The following ZDHHC21 variants were observed in gnomAD, a reference collection of about 807,000 sequenced individuals.
ZDHHC21 encodes the protein palmitoyltransferase ZDHHC21.
In ZDHHC21, 15 loss-of-function variants were observed where a neutral mutation model predicts 34.6. That is an observed-to-expected ratio of 0.43 (90% CI 0.29 to 0.67). ZDHHC21 has a LOEUF of 0.67. ZDHHC21 is among the 30% of genes least tolerant of loss of function. The pLI is 0.14. For synonymous variants in ZDHHC21, 142 were observed against 101.8 expected, an observed-to-expected ratio of 1.40 and a Z score of -2.38; for missense variants, 344 against 327.7, an observed-to-expected ratio of 1.05 and a Z score of -0.38.
At chr9:14,692,445 AT>A (rs906451332) in intron 1 of ZDHHC21, among the ~76,000 whole-genome samples, 7 of 151,538 alleles carry the variant, frequency 4.6e-5, no homozygotes, top group Admixed American at 6.6e-5. Flanking sequence ...AATGACCTTG[AT>A]TTTTTTTTCT....
intron 5 of ZDHHC21, among the ~76,000 whole-genome samples, chr9:14,672,488 T>G (rs1349709495): frequency 6.6e-5 from 10 of 152,068 alleles, no homozygotes; most frequent in Non-Finnish European, 1.5e-4. Context: ...GACAAGGTTC[T>G]GGGTCTTTGG....
At chr9:14,655,228 A>T (rs1035018212) in intron 7 of ZDHHC21, among the ~76,000 whole-genome samples, 2 of 152,052 alleles carry the variant, frequency 1.3e-5, no homozygotes, top group Non-Finnish European at 2.9e-5. Flanking sequence ...ACTGAACGAA[A>T]GTAACCACCA....
chr9:14,632,006 C>T (rs1313447910), intron 8 of ZDHHC21, among the ~76,000 whole-genome samples: 8 of 149,694 alleles, frequency 5.3e-5, no homozygotes, highest in East Asian at 2.0e-4. Flanking sequence ...AATATTGTAC[C>T]GAAAGACTTA....
In ZDHHC21 at chr9:14,658,815, A is replaced by G. The variant is rs745477077; in HGVS notation, c.438T>C (p.Thr146=). ...AGAAAGAAAACATCAGTGCGTAGCA[A>G]GTAAGAAGTTCAGTGTAGAAACACA... ...LQLCFYTELL[T]CYALMFSFCH... The change falls in exon 7 of 10, where the codon ACT becomes ACC. Residue 146 remains threonine (T), a synonymous_variant. Transcript: ENST00000380916. 6.2e-7 allele frequency: 1 copy of G among 1,613,968 alleles called. No homozygotes were observed. The highest frequency in any genetic ancestry group is 1.1e-5 in the South Asian group (1 of 91,070).
chr9:14,604,552 G>A, the ZDHHC21 span, among the ~76,000 whole-genome samples: 6 of 152,102 alleles, frequency 3.9e-5, no homozygotes, highest in Non-Finnish European at 2.9e-5. Context: ...GGACTTAGAT[G>A]TATCTGTAAC....
At chr9:14,607,627 C>CG (rs953857111), downstream of ZDHHC21, among the ~76,000 whole-genome samples, 11 of 97,076 alleles carry the variant, frequency 1.1e-4, no homozygotes, top group African/African-American at 3.3e-4. Context: ...GGGCTGGGGG[C>CG]GGGGGGGAAG....
chr9:14,685,506 A>G (rs1183073384), intron 2 of ZDHHC21, among the ~76,000 whole-genome samples: 1 of 152,062 alleles, frequency 6.6e-6, no homozygotes, highest in Non-Finnish European at 1.5e-5. Flanking sequence ...ACAATGACAT[A>G]CCATCTCACA....
the ZDHHC21 span, among the ~76,000 whole-genome samples, chr9:14,590,933 C>T: frequency 5.9e-5 from 9 of 151,892 alleles, no homozygotes; most frequent in African/African-American, 2.2e-4. Context: ...AAGTTTATAA[C>T]ACATATATCA....
chr9:14,660,847 C>T (rs1375167465), intron 6 of ZDHHC21, among the ~76,000 whole-genome samples: 2 of 152,108 alleles, frequency 1.3e-5, no homozygotes, highest in Non-Finnish European at 2.9e-5. Flanking sequence ...CCACTTCCAT[C>T]ATGAACATTT....
At chr9:14,660,727 C>T (rs1236945298) in intron 6 of ZDHHC21, among the ~76,000 whole-genome samples, 1 of 152,060 alleles carries the variant, frequency 6.6e-6, no homozygotes, top group Non-Finnish European at 1.5e-5. Flanking sequence ...AGAGAAATCA[C>T]CCCAACGTTA....
At chr9:14,642,970 G>A (rs890202379) in intron 7 of ZDHHC21, among the ~76,000 whole-genome samples, 5 of 152,190 alleles carry the variant, frequency 3.3e-5, no homozygotes, top group African/African-American at 1.2e-4. Flanking sequence ...TGGGTACGGT[G>A]GCTCACGCCT....
intron 2 of ZDHHC21, among the ~76,000 whole-genome samples, chr9:14,688,125 A>C (rs542080292): frequency 6.6e-6 from 1 of 151,146 alleles, no homozygotes; most frequent in East Asian, 1.9e-4. Flanking sequence ...TTAAAAAATT[A>C]ATCTTCTACA....
chr9:14,599,387 T>A, the ZDHHC21 span, among the ~76,000 whole-genome samples: 28 of 152,300 alleles, frequency 1.8e-4, no homozygotes, highest in Non-Finnish European at 7.4e-5. Context: ...TGTGAGGGAC[T>A]GTGCCATGAG....
intron 3 of ZDHHC21, among the ~76,000 whole-genome samples, chr9:14,676,468 T>G (rs1836398155): frequency 6.6e-6 from 1 of 151,824 alleles, no homozygotes; most frequent in Non-Finnish European, 1.5e-5. Flanking sequence ...CCCCAGTTTC[T>G]CATCCCTAGT....
At chr9:14,634,984 A>C (rs1828014919) in intron 8 of ZDHHC21, among the ~76,000 whole-genome samples, 1 of 152,108 alleles carries the variant, frequency 6.6e-6, no homozygotes, top group Admixed American at 6.5e-5. Context: ...TTACTAAACA[A>C]ATACAAATAA....
chr9:14,598,842 C>A, the ZDHHC21 span, among the ~76,000 whole-genome samples: 3 of 152,142 alleles, frequency 2.0e-5, no homozygotes, highest in Non-Finnish European at 4.4e-5. Flanking sequence ...GCAGCCTCAA[C>A]CTCTCCCAGC....
intron 7 of ZDHHC21, among the ~76,000 whole-genome samples, chr9:14,647,657 G>T (rs1303502677): frequency 1.4e-5 from 2 of 138,272 alleles, no homozygotes; most frequent in Non-Finnish European, 3.2e-5. Context: ...AGTCCATCAT[G>T]ATAATTTCTC....
rs1824195449 is a variant in ZDHHC21 at position 14,616,520 on chromosome 9, A to G, written c.*2446T>C. 1 of 151,758 alleles carries G rather than the reference A, an allele frequency of 6.6e-6. No individual in the cohort carries two copies. Among genetic ancestry groups the G allele is most frequent in the South Asian group, 2.1e-4 (1 of 4,824 alleles). 9.4% of individuals were successfully genotyped at this position (151,758 alleles called of 1,614,324 possible). The stretch of plus-strand genomic sequence containing the variant: ...CAGAATGTGGCTATACTATTTACTT[A>G]TGGGGCAGTAAATCTTTAGAGCCAG... On this transcript the variant is annotated 3_prime_UTR_variant, in exon 10 of 10. Transcript: ENST00000380916.
chr9:14,660,870 A>G (rs1347450079), intron 6 of ZDHHC21, among the ~76,000 whole-genome samples: 1 of 152,200 alleles, frequency 6.6e-6, no homozygotes, highest in Non-Finnish European at 1.5e-5. Flanking sequence ...ATTTTAGTGA[A>G]TAAGAAACTC....
Sources: gnomAD v4.1 joint callset for allele counts (sites outside exome capture counted in the v4.1 genomes callset) on GRCh38, gnomAD v4.1.1 for gene constraint, MANE v1.5 for transcripts, NCBI Gene and HGNC (gene_info 2026-07-23, HGNC 2026-07-21) for gene names.